The following TRPC3 variants were observed in gnomAD, a reference collection of about 807,000 sequenced individuals.
TRPC3 encodes short transient receptor potential channel 3.
A neutral mutation model predicts 90.9 loss-of-function variants in TRPC3; 54 were observed. That is an observed-to-expected ratio of 0.59 (90% CI 0.48 to 0.75). TRPC3 has a LOEUF of 0.75. TRPC3 is among the 30% of genes least tolerant of loss of function. The pLI, the probability that TRPC3 is intolerant of heterozygous loss-of-function variation, is 0.00. For synonymous variants in TRPC3, 424 were observed against 450.9 expected, an observed-to-expected ratio of 0.94 and a Z score of 0.75; for missense variants, 918 against 1,194.5, an observed-to-expected ratio of 0.77 and a Z score of 3.41.
In TRPC3 at chr4:121,922,211, C is replaced by T. The variant is rs140121629; in HGVS notation, c.1176+2807G>A. ...TGCTGGGATTACAGGTGTGAGCCAC[C>T]GTGCCCGGCCATGAAGGAAGCCTTT... On this transcript the variant is annotated intron_variant, in intron 3 of 11. Transcript: ENST00000379645. Among the ~76,000 whole-genome samples the T allele has an allele frequency of 8.2e-3, 1,248 of 151,940 alleles. 22 individuals carry two copies. Among genetic ancestry groups the T allele is most frequent in the African/African-American group, 0.028 (1,174 of 41,420 alleles).
In TRPC3 at chr4:121,877,459, C is replaced by T. The variant is rs1423462871; in HGVS notation, c.*2277G>A. ...TGTGCCCCCACCCATCAGTCACTGG[C>T]CATGGGGAGGCGGAGGCATCACATC... On this transcript the variant is annotated 3_prime_UTR_variant, in exon 12 of 12. Transcript: ENST00000379645. Among the ~76,000 whole-genome samples, 1 of 152,158 alleles carries T rather than the reference C, an allele frequency of 6.6e-6. No individual in the cohort carries two copies. Among genetic ancestry groups the T allele is most frequent in the African/African-American group, 2.4e-5 (1 of 41,432 alleles).
rs80191359 is a variant in TRPC3 at position 121,889,993 on chromosome 4, A to G, written c.2548-7564T>C. Among the ~76,000 whole-genome samples, 7 of 152,320 alleles carry G rather than the reference A, an allele frequency of 4.6e-5. No homozygotes were observed. In the East Asian group the frequency reaches 7.7e-4, roughly 17 times the overall value. Reference sequence around the variant, plus strand: ...CACAGTGGAATTCTATTCAGCCACAATGACTTTTTGTCTTTGTGGCAACTC... The same window carrying G: ...CACAGTGGAATTCTATTCAGCCACAGTGACTTTTTGTCTTTGTGGCAACTC... On this transcript the variant is annotated intron_variant, in intron 10 of 11. Coordinates refer to ENST00000379645, the MANE Select transcript of TRPC3 (RefSeq NM_001130698.2).
intron 4 of TRPC3, among the ~76,000 whole-genome samples, chr4:121,913,442 C>T (rs1433554577): frequency 1.3e-5 from 2 of 152,166 alleles, no homozygotes; most frequent in African/African-American, 4.8e-5. Context: ...GGCTCAACTT[C>T]CATGTTTCCC....
chr4:121,910,676 T>G, intron 5 of TRPC3, among the ~76,000 whole-genome samples: 1 of 150,824 alleles, frequency 6.6e-6, no homozygotes, highest in African/African-American at 2.4e-5. Context: ...TGGAGGGGGG[T>G]GAGGAGAAGA....
intron 10 of TRPC3, among the ~76,000 whole-genome samples, chr4:121,895,342 T>C (rs1056233466): frequency 6.6e-6 from 1 of 151,590 alleles, no homozygotes; most frequent in African/African-American, 2.4e-5. Flanking sequence ...TAATAAAGAT[T>C]AGAGCAGAAA....
intron 7 of TRPC3, among the ~76,000 whole-genome samples, chr4:121,906,738 T>G (rs1278652283): frequency 6.6e-6 from 1 of 151,994 alleles, no homozygotes; most frequent in Non-Finnish European, 1.5e-5. Context: ...ACAATCTGGG[T>G]GTCTCCATGC....
At chr4:121,885,132 C>G (rs1319027215) in intron 10 of TRPC3, among the ~76,000 whole-genome samples, 1 of 152,198 alleles carries the variant, frequency 6.6e-6, no homozygotes, top group African/African-American at 2.4e-5. Flanking sequence ...TGAGATTAGA[C>G]AGAAATCAGT....
chr4:121,881,160 T>A (rs911503282), intron 11 of TRPC3, among the ~76,000 whole-genome samples: 1 of 152,128 alleles, frequency 6.6e-6, no homozygotes, highest in Non-Finnish European at 1.5e-5. Flanking sequence ...AACCTATGTG[T>A]TGTATTAAAT....
chr4:121,949,617 CA>C (rs1279556591), intron 1 of TRPC3, among the ~76,000 whole-genome samples: 2 of 152,160 alleles, frequency 1.3e-5, no homozygotes, highest in African/African-American at 4.8e-5. Flanking sequence ...CCGATGTTAC[CA>C]AGTGACAGGC....
At chr4:121,904,197 G>A (rs1235345769) in intron 8 of TRPC3, 125 bp downstream of exon 8, 2 of 767,772 alleles carry the variant, frequency 2.6e-6, no homozygotes, top group Non-Finnish European at 4.0e-6. Context: ...GAAAGGCTCA[G>A]GCTCTGTGTG....
intron 3 of TRPC3, among the ~76,000 whole-genome samples, chr4:121,922,572 T>A (rs577873974): frequency 5.3e-4 from 80 of 152,352 alleles, no homozygotes; most frequent in African/African-American, 1.6e-3. Flanking sequence ...AAAATTGACA[T>A]GCAGGAAGAC....
At chr4:121,912,116 A>G (rs199556204) in intron 4 of TRPC3, 23 bp from the exon 5 acceptor site, 46 of 1,605,238 alleles carry the variant, frequency 2.9e-5, no homozygotes, top group Non-Finnish European at 3.7e-5. Context: ...AAAGAGGAAA[A>G]GTTTGCTTCA....
At chr4:121,945,967 A>G (rs1353099361) in intron 1 of TRPC3, among the ~76,000 whole-genome samples, 2 of 152,256 alleles carry the variant, frequency 1.3e-5, no homozygotes, top group African/African-American at 2.4e-5. Flanking sequence ...AATTAAAAAT[A>G]TAATCACTAA....
At chr4:121,949,007 G>T (rs912850173) in intron 1 of TRPC3, among the ~76,000 whole-genome samples, 1 of 152,042 alleles carries the variant, frequency 6.6e-6, no homozygotes, top group African/African-American at 2.4e-5. Flanking sequence ...TATCTTTGTG[G>T]CTTGCAGTAC....
intron 10 of TRPC3, among the ~76,000 whole-genome samples, chr4:121,897,568 A>C (rs1253717086): frequency 6.6e-6 from 1 of 151,776 alleles, no homozygotes; most frequent in East Asian, 1.9e-4. Context: ...ATGATATATG[A>C]AAAAATGCTC....
chr4:121,896,574 A>G (rs1728522699), intron 10 of TRPC3, among the ~76,000 whole-genome samples: 2 of 152,234 alleles, frequency 1.3e-5, no homozygotes, highest in African/African-American at 4.8e-5. Context: ...ATACTCAGGT[A>G]TAAATTAACC....
chr4:121,907,835 G>C (rs552605834), intron 6 of TRPC3, among the ~76,000 whole-genome samples: 1 of 152,202 alleles, frequency 6.6e-6, no homozygotes, highest in African/African-American at 2.4e-5. Context: ...ACAAAACATG[G>C]AGAGGTTAAA....
In TRPC3 at chr4:121,902,882, T is replaced by C. The variant is rs1368081260; in HGVS notation, c.2433A>G (p.Ile811Met). ...KCRRRRLQKD[I>M]EMGMGNSKSR... Reference sequence around the variant, plus strand: ...ACTTTGAGTTACCCATTCCCATTTCTATATCCTTCTGAAGCCTTCTCCTTC... The same window carrying C: ...ACTTTGAGTTACCCATTCCCATTTCCATATCCTTCTGAAGCCTTCTCCTTC... Residue 811 changes from isoleucine (I) to methionine (M), a missense_variant, in exon 9 of 12, where the codon ATA becomes ATG. Physicochemically the swap from Ile to Met is conservative, Grantham distance 10. Coordinates refer to ENST00000379645, the MANE Select transcript of TRPC3 (RefSeq NM_001130698.2). 3.7e-6 allele frequency: 6 copies of C among 1,612,582 alleles called. No homozygotes were observed. The Admixed American group carries it at 6.7e-5, about 18-fold the overall frequency.
intron 1 of TRPC3, among the ~76,000 whole-genome samples, chr4:121,941,587 C>T (rs1730312226): frequency 6.6e-6 from 1 of 150,816 alleles, no homozygotes; most frequent in South Asian, 2.1e-4. Context: ...CAGGTACTGA[C>T]AAAAGACAAG....
Sources: allele counts gnomAD v4.1 joint callset (sites outside exome capture counted in the v4.1 genomes callset), GRCh38; gene constraint gnomAD v4.1.1; transcripts MANE v1.5; gene names NCBI Gene and HGNC (gene_info 2026-07-23, HGNC 2026-07-21).